Variants in SEMA3A observed in about 807,000 individuals in gnomAD.
SEMA3A encodes semaphorin 3A.
SEMA3A carries 29 observed loss-of-function variants against 97.9 expected under a neutral mutation model. The observed-to-expected ratio is 0.30, with a 90% confidence interval of 0.22 to 0.40. The LOEUF (loss-of-function observed/expected upper bound fraction) is 0.40, where lower values mean the gene tolerates loss of function less well. Among genes scored for constraint, SEMA3A ranks in the 10% least tolerant of loss-of-function variants. The pLI, the probability that SEMA3A is intolerant of heterozygous loss-of-function variation, is 1.00. For missense variants in SEMA3A, 763 were observed against 951.3 expected (o/e 0.80, Z 2.60); for synonymous variants, 321 against 323.7 (o/e 0.99, Z 0.09).
At chr7:84,463,788 CT>C (rs1805924003) in intron 1 of SEMA3A, among the ~76,000 whole-genome samples, 1 of 152,112 alleles carries the variant, frequency 6.6e-6, no homozygotes, top group Admixed American at 6.5e-5. Flanking sequence ...GTCCCTCCCA[CT>C]TTTCCTCCCT....
intron 1 of SEMA3A, among the ~76,000 whole-genome samples, chr7:84,176,386 G>T (rs894443936): frequency 6.6e-6 from 1 of 152,094 alleles, no homozygotes; most frequent in South Asian, 2.1e-4. Flanking sequence ...CCCACAAATG[G>T]TTCATTTTCC....
At chr7:84,478,145 C>T (rs2116426663) in intron 1 of SEMA3A, among the ~76,000 whole-genome samples, 1 of 152,290 alleles carries the variant, frequency 6.6e-6, no homozygotes, top group Admixed American at 6.5e-5. Context: ...GTTGCTCACA[C>T]CTTCTAGTGT....
intron 3 of SEMA3A, among the ~76,000 whole-genome samples, chr7:84,292,361 T>G (rs1490818478): frequency 4.6e-5 from 7 of 151,944 alleles, no homozygotes; most frequent in Non-Finnish European, 7.4e-5. Context: ...AAATTTCTGC[T>G]AAGCATTATT....
chr7:84,218,333 T>A (rs1469363713), intron 3 of SEMA3A, among the ~76,000 whole-genome samples: 1 of 152,130 alleles, frequency 6.6e-6, no homozygotes, highest in East Asian at 1.9e-4. Context: ...AACAACTAAG[T>A]TGCATATAGT....
At chr7:84,486,213 C>T (rs1005094467) in intron 1 of SEMA3A, among the ~76,000 whole-genome samples, 2 of 151,942 alleles carry the variant, frequency 1.3e-5, no homozygotes, top group African/African-American at 2.4e-5. Flanking sequence ...CATGGTGAAA[C>T]CCTGTCTCTA....
At chr7:84,052,250 C>CT (rs1792705768) in intron 5 of SEMA3A, among the ~76,000 whole-genome samples, 1 of 152,120 alleles carries the variant, frequency 6.6e-6, no homozygotes. Flanking sequence ...AGGATTCCCT[C>CT]TTTTTCTATT....
rs117274998 is a variant in SEMA3A, at chr7:84,386,169, T to A, written c.-245-14269A>T. Among the ~76,000 whole-genome samples the A allele has an allele frequency of 7.2e-5, 11 of 152,338 alleles. No individual in the cohort carries two copies. The East Asian group carries it at 2.1e-3, about 29-fold the overall frequency. On this transcript the variant is annotated intron_variant, in intron 1 of 3. Coordinates refer to the SEMA3A transcript ENST00000424555. ...GTTTATTAAAATAACATCTCACTTC[T>A]GGTACTAATTTCTACAAAAACCAAG... is the stretch of plus-strand genomic sequence containing the variant.
intron 2 of SEMA3A, among the ~76,000 whole-genome samples, chr7:84,309,173 G>A (rs1801250227): frequency 6.6e-6 from 1 of 152,024 alleles, no homozygotes; most frequent in African/African-American, 2.4e-5. Flanking sequence ...GGCTTCATTT[G>A]GGGTGGTGAT....
chr7:84,470,662 G>A (rs1050386301), intron 1 of SEMA3A, among the ~76,000 whole-genome samples: 2 of 151,998 alleles, frequency 1.3e-5, no homozygotes, highest in Non-Finnish European at 2.9e-5. Flanking sequence ...ACGGTATATA[G>A]CAAGGTTTAT....
chr7:84,324,796 G>GA (rs896637169), intron 2 of SEMA3A, among the ~76,000 whole-genome samples: 8 of 151,096 alleles, frequency 5.3e-5, no homozygotes, highest in Non-Finnish European at 8.9e-5. Flanking sequence ...GGTGAAAATG[G>GA]AAAAAAAAGA....
chr7:84,166,365 A>G (rs1797205992), intron 1 of SEMA3A, among the ~76,000 whole-genome samples: 1 of 151,138 alleles, frequency 6.6e-6, no homozygotes, highest in Admixed American at 6.6e-5. Context: ...GGAGGTCAAG[A>G]GATCGAGACC....
intron 3 of SEMA3A, among the ~76,000 whole-genome samples, chr7:84,256,058 T>C (rs1279238913): frequency 6.6e-6 from 1 of 152,074 alleles, no homozygotes; most frequent in Non-Finnish European, 1.5e-5. Flanking sequence ...AAGGTGTCAA[T>C]AGCACTTAAG....
At chr7:84,303,295 C>T (rs1205399169) in intron 3 of SEMA3A, among the ~76,000 whole-genome samples, 1 of 152,108 alleles carries the variant, frequency 6.6e-6, no homozygotes, top group Non-Finnish European at 1.5e-5. Flanking sequence ...TTGCTTGTTA[C>T]TAAAACTGAG....
chr7:84,194,774 G>C lies in SEMA3A; in HGVS notation c.-188C>G. The C allele has an allele frequency of 1.3e-5, 3 of 239,592 alleles. No homozygotes were observed. The highest frequency in any genetic ancestry group is 7.7e-5 in the Admixed American group (1 of 13,010). 14.8% of individuals were successfully genotyped at this position (239,592 alleles called of 1,614,324 possible). ...CTTCTGTAACAGTCACTGAAGCACAGAAACTTCAAACCCTCCAAAAAGAAA... is the reference window on the plus strand; with the variant it reads ...CTTCTGTAACAGTCACTGAAGCACACAAACTTCAAACCCTCCAAAAAGAAA... On this transcript the variant is annotated 5_prime_UTR_variant, in exon 1 of 17. Coordinates refer to ENST00000265362, the MANE Select transcript of SEMA3A (RefSeq NM_006080.3).
At chr7:84,407,953 C>G (rs1308310247) in intron 1 of SEMA3A, among the ~76,000 whole-genome samples, 1 of 152,128 alleles carries the variant, frequency 6.6e-6, no homozygotes, top group Non-Finnish European at 1.5e-5. Context: ...AGAAGAAAAC[C>G]TAGGCATTAC....
chr7:84,088,525 T>C (rs1451903692), intron 4 of SEMA3A, among the ~76,000 whole-genome samples: 3 of 152,186 alleles, frequency 2.0e-5, no homozygotes, highest in Non-Finnish European at 4.4e-5. Flanking sequence ...AAAAGTTACT[T>C]AAGGGGAAGA....
At chr7:84,216,243 A>G (rs938575568) in intron 3 of SEMA3A, among the ~76,000 whole-genome samples, 1 of 152,100 alleles carries the variant, frequency 6.6e-6, no homozygotes, top group Non-Finnish European at 1.5e-5. Context: ...AGTAGCTGGG[A>G]CTACAGGCGC....
intron 1 of SEMA3A, among the ~76,000 whole-genome samples, chr7:84,445,167 T>A (rs1805377450): frequency 6.6e-6 from 1 of 152,050 alleles, no homozygotes; most frequent in Non-Finnish European, 1.5e-5. Context: ...GTCACATATA[T>A]CTTCTCTGAC....
intron 1 of SEMA3A, among the ~76,000 whole-genome samples, chr7:84,405,190 A>G (rs1037193145): frequency 1.3e-5 from 2 of 152,178 alleles, no homozygotes; most frequent in African/African-American, 4.8e-5. Flanking sequence ...AAAAAAAGGG[A>G]TGGAGGAAGA....
Sources: gnomAD v4.1 joint callset for allele counts (sites outside exome capture counted in the v4.1 genomes callset) on GRCh38, gnomAD v4.1.1 for gene constraint, MANE v1.5 for transcripts, NCBI Gene and HGNC (gene_info 2026-07-23, HGNC 2026-07-21) for gene names.